Variants in THSD4 observed in about 807,000 individuals in gnomAD.
The protein encoded by THSD4 is thrombospondin type-1 domain-containing protein 4.
THSD4 carries 69 observed loss-of-function variants against 119.0 expected under a neutral mutation model. The observed-to-expected ratio is 0.58, with a 90% CI of 0.48 to 0.71. The LOEUF (loss-of-function observed/expected upper bound fraction) is 0.71, where lower values mean the gene tolerates loss of function less well. Ranked by LOEUF, THSD4 falls within the 30% of genes least tolerant of loss-of-function variation. THSD4 has a pLI of 0.00. For synonymous variants in THSD4, 524 were observed against 540.4 expected (o/e 0.97, Z 0.42); for missense variants, 1,393 against 1,391.1 (o/e 1.00, Z -0.02).
rs748329589 is a variant in THSD4, at chr15:71,737,856, G to T, written c.1755G>T (p.Ser585=). ...GEAPEMFTSE[S]AQTFPVRHPD... ...CCCCTGAGATGTTCACCTCAGAATC[G>T]GCACAGACCTTCCCAGTCAGGCATC... The change falls in exon 11 of 18, where the codon TCG becomes TCT. Residue 585 remains serine (S), a synonymous_variant. Coordinates refer to ENST00000261862, the MANE Select transcript of THSD4 (RefSeq NM_024817.3). 3.1e-6 allele frequency: 5 copies of T among 1,614,214 alleles called. No individual in the cohort carries two copies. The South Asian group carries it at 4.4e-5, about 14-fold the overall frequency.
intron 7 of THSD4, among the ~76,000 whole-genome samples, chr15:71,575,180 C>T (rs3925044): frequency 0.18 from 27,137 of 151,954 alleles, 2,947 homozygotes; most frequent in East Asian, 0.49. Flanking sequence ...TTGGTTTTTT[C>T]AATTTTATGG....
chr15:71,119,999 C>T (rs1449125483), intron 1 of THSD4, among the ~76,000 whole-genome samples: 2 of 152,178 alleles, frequency 1.3e-5, no homozygotes, highest in Admixed American at 6.5e-5. Context: ...TGTTAGTTCT[C>T]GCCCCATTTC....
At chr15:71,518,886 TA>T (rs531308333) in intron 7 of THSD4, among the ~76,000 whole-genome samples, 1 of 152,062 alleles carries the variant, frequency 6.6e-6, no homozygotes, top group African/African-American at 2.4e-5. Context: ...CAATGAACAA[TA>T]AAGGCAACAC....
chr15:71,658,916 G>A (rs2051242980), intron 7 of THSD4, among the ~76,000 whole-genome samples: 1 of 152,224 alleles, frequency 6.6e-6, no homozygotes, highest in Non-Finnish European at 1.5e-5. Context: ...GGCAGTGCCT[G>A]CAGAAAGGTT....
intron 6 of THSD4, among the ~76,000 whole-genome samples, chr15:71,306,061 A>G (rs2045020309): frequency 6.6e-6 from 1 of 152,254 alleles, no homozygotes; most frequent in Admixed American, 6.5e-5. Context: ...TAATCCCAGC[A>G]CTTTGTGAGG....
At chr15:71,326,829 T>C (rs892130778) in intron 6 of THSD4, among the ~76,000 whole-genome samples, 2 of 146,830 alleles carry the variant, frequency 1.4e-5, no homozygotes, top group Non-Finnish European at 3.0e-5. Flanking sequence ...GATATGATTA[T>C]ACCACTGCAC....
At chr15:71,246,872 A>T (rs1276297203) in intron 5 of THSD4, among the ~76,000 whole-genome samples, 1 of 150,492 alleles carries the variant, frequency 6.6e-6, no homozygotes, top group East Asian at 1.9e-4. Context: ...GCAAGACTCA[A>T]TCTGGTCCAA....
At chr15:71,196,905 A>C (rs1328709514) in intron 3 of THSD4, among the ~76,000 whole-genome samples, 1 of 152,130 alleles carries the variant, frequency 6.6e-6, no homozygotes, top group Non-Finnish European at 1.5e-5. Flanking sequence ...TTCCAGGTGG[A>C]TTGTCAAGAC....
chr15:71,403,759 A>G (rs1027228907), intron 6 of THSD4, among the ~76,000 whole-genome samples: 5 of 152,240 alleles, frequency 3.3e-5, no homozygotes, highest in African/African-American at 1.2e-4. Flanking sequence ...GCTGCAATAC[A>G]AAACCACTGT....
At chr15:71,243,132 G>A (rs2044169475) in intron 5 of THSD4, 36 bp downstream of exon 5, 1 of 1,564,646 alleles carries the variant, frequency 6.4e-7, no homozygotes, top group African/African-American at 1.4e-5. Flanking sequence ...CCTGGAAACA[G>A]CTGCCCCTCG....
chr15:71,163,495 A>G (rs1194557373), intron 3 of THSD4, among the ~76,000 whole-genome samples: 1 of 152,042 alleles, frequency 6.6e-6, no homozygotes, highest in Non-Finnish European at 1.5e-5. Flanking sequence ...TGTTCCCTAA[A>G]CTGCTAAGCA....
chr15:71,730,176 G>A (rs757325330), intron 9 of THSD4: 1 of 152,230 alleles, frequency 6.6e-6, no homozygotes, highest in Non-Finnish European at 1.5e-5. Flanking sequence ...CCTTCCCCAA[G>A]GAAGAAATCA....
At chr15:71,378,029 G>C (rs574981108) in intron 6 of THSD4, among the ~76,000 whole-genome samples, 1 of 152,200 alleles carries the variant, frequency 6.6e-6, no homozygotes, top group East Asian at 1.9e-4. Flanking sequence ...CTGAGATGTC[G>C]GGAAGAAATT....
At chr15:71,568,581 TGTTTTTTG>T (rs1436743653) in intron 7 of THSD4, among the ~76,000 whole-genome samples, 1 of 106,142 alleles carries the variant, frequency 9.4e-6, no homozygotes, top group African/African-American at 3.6e-5. Context: ...TTTTTTTTTT[TGTTTTTTG>T]TTTTTCTTTT....
intron 6 of THSD4, among the ~76,000 whole-genome samples, chr15:71,264,053 C>A (rs188396468): frequency 1.3e-5 from 2 of 152,344 alleles, no homozygotes; most frequent in Admixed American, 1.3e-4. Context: ...CTGACTCCTC[C>A]ACCAATCCAG....
At position 71,258,822 on chromosome 15, in the gene THSD4, A is replaced by G. The variant is rs138370790; in HGVS notation, c.1015+2107A>G. On this transcript the variant is annotated intron_variant, in intron 6 of 17. Transcript: ENST00000261862. ...TTATGTTGAGTTCATATTGGAGTAG[A>G]GTGGGCTCTTAATCTGGAATGACTT... Among the ~76,000 whole-genome samples the G allele has an allele frequency of 2.9e-3, 444 of 152,278 alleles. 2 individuals carry two copies. The highest frequency in any genetic ancestry group is 9.7e-3 in the African/African-American group (402 of 41,566).
At chr15:71,629,494 C>T (rs2140941603) in intron 7 of THSD4, among the ~76,000 whole-genome samples, 1 of 152,308 alleles carries the variant, frequency 6.6e-6, no homozygotes, top group Middle Eastern at 3.4e-3. Context: ...TTTCAGGCCA[C>T]ACTCAGATAT....
chr15:71,300,844 T>C (rs1227938399), intron 6 of THSD4, among the ~76,000 whole-genome samples: 1 of 152,206 alleles, frequency 6.6e-6, no homozygotes, highest in South Asian at 2.1e-4. Context: ...CAAAGTGACT[T>C]TGATAAACCT....
chr15:71,442,044 C>T (rs1373918732), intron 7 of THSD4, among the ~76,000 whole-genome samples: 4 of 152,186 alleles, frequency 2.6e-5, no homozygotes, highest in South Asian at 2.1e-4. Flanking sequence ...CGGCAATCTC[C>T]GCCTCCCGGG....
Sources: allele counts gnomAD v4.1 joint callset (sites outside exome capture counted in the v4.1 genomes callset), GRCh38; gene constraint gnomAD v4.1.1; transcripts MANE v1.5; gene names NCBI Gene and HGNC (gene_info 2026-07-23, HGNC 2026-07-21).